Variants in CAPN9 observed in about 807,000 individuals in gnomAD.
The protein encoded by CAPN9 is calpain 9, also known as calpain-9.
A neutral mutation model predicts 92.8 loss-of-function variants in CAPN9; 81 were observed. That is an observed-to-expected ratio of 0.87 (90% CI 0.73 to 1.05). The LOEUF (loss-of-function observed/expected upper bound fraction) is 1.05, where lower values mean the gene tolerates loss of function less well. Ranked by LOEUF, CAPN9 falls within the 50% of genes least tolerant of loss-of-function variation. The pLI is 0.00. For synonymous variants in CAPN9, 304 were observed against 328.0 expected, an observed-to-expected ratio of 0.93 and a Z score of 0.79; for missense variants, 848 against 866.2, an observed-to-expected ratio of 0.98 and a Z score of 0.26.
At chr1:230,761,507 C>A (rs1665635777) in intron 3 of CAPN9, among the ~76,000 whole-genome samples, 1 of 151,816 alleles carries the variant, frequency 6.6e-6, no homozygotes. Flanking sequence ...AAGCGGGAAG[C>A]CCTGGAGGGG....
intron 2 of CAPN9, among the ~76,000 whole-genome samples, chr1:230,758,217 G>T (rs1408840105): frequency 6.6e-6 from 1 of 152,232 alleles, no homozygotes; most frequent in Non-Finnish European, 1.5e-5. Flanking sequence ...TTGGAGGAGA[G>T]CTGGGAAAGG....
chr1:230,748,938 T>G (rs1664596225), intron 1 of CAPN9, among the ~76,000 whole-genome samples: 1 of 152,068 alleles, frequency 6.6e-6, no homozygotes, highest in Admixed American at 6.6e-5. Context: ...GTAGGCAGTG[T>G]GGGGTGTATG....
intron 16 of CAPN9, 152 bp downstream of exon 16, chr1:230,792,646 G>T: frequency 1.3e-6 from 1 of 767,186 alleles, no homozygotes; most frequent in Non-Finnish European, 2.3e-6. Flanking sequence ...CTATTCCGAT[G>T]CTTACGGGAG....
At chr1:230,751,166 C>T (rs1399992409) in intron 1 of CAPN9, among the ~76,000 whole-genome samples, 1 of 152,210 alleles carries the variant, frequency 6.6e-6, no homozygotes, top group Admixed American at 6.5e-5. Context: ...CTGTGCACAG[C>T]GTGGCATGTG....
At chr1:230,754,456 A>G (rs1182793976) in intron 1 of CAPN9, among the ~76,000 whole-genome samples, 1 of 151,886 alleles carries the variant, frequency 6.6e-6, no homozygotes, top group African/African-American at 2.4e-5. Flanking sequence ...AGATGTGTGC[A>G]TATCTCTCTT....
chr1:230,769,039 A>C, intron 5 of CAPN9, 141 bp from the exon 6 acceptor site: 1 of 671,240 alleles, frequency 1.5e-6, no homozygotes, highest in South Asian at 1.8e-5. Context: ...AGCCCCGTGC[A>C]TAGCCCACGC....
chr1:230,763,914 T>A (rs1485470842), intron 4 of CAPN9, among the ~76,000 whole-genome samples: 3 of 152,126 alleles, frequency 2.0e-5, no homozygotes, highest in South Asian at 2.1e-4. Context: ...GTCCAGTGGG[T>A]GGGACCCAAG....
At chr1:230,790,480 T>C (rs1572085501) in intron 14 of CAPN9, 1 of 178,694 alleles carries the variant, frequency 5.6e-6, no homozygotes, top group Non-Finnish European at 1.1e-5. Context: ...TGTATGTACA[T>C]GTGTGTCATA....
chr1:230,756,527 A>G (rs947997252), intron 2 of CAPN9, among the ~76,000 whole-genome samples: 2 of 152,200 alleles, frequency 1.3e-5, no homozygotes, highest in South Asian at 2.1e-4. Flanking sequence ...ATGGATGGGT[A>G]TAGATAGATG....
chr1:230,759,654 G>A, intron 3 of CAPN9, 24 bp downstream of exon 3: 1 of 1,517,744 alleles, frequency 6.6e-7, no homozygotes, highest in Non-Finnish European at 9.0e-7. Context: ...CTGGGCCAGT[G>A]GGTTTACCTC....
At chr1:230,798,464 T>C (rs1668485029) in intron 19 of CAPN9, among the ~76,000 whole-genome samples, 1 of 152,220 alleles carries the variant, frequency 6.6e-6, no homozygotes, top group African/African-American at 2.4e-5. Context: ...AACTGAGGCA[T>C]AGAGAGATTA....
At chr1:230,778,927 C>G in intron 8 of CAPN9, 46 bp from the exon 9 acceptor site, 1 of 1,519,610 alleles carries the variant, frequency 6.6e-7, no homozygotes, top group Non-Finnish European at 9.1e-7. Context: ...GGATGATGCC[C>G]TCACTCTTGC....
chr1:230,801,289 C>A (rs1414089878), intron 19 of CAPN9, among the ~76,000 whole-genome samples: 1 of 152,152 alleles, frequency 6.6e-6, no homozygotes. Flanking sequence ...AGGCTGTCCT[C>A]TTAACAGGGA....
chr1:230,782,283 T>C (rs1245519917), intron 11 of CAPN9, among the ~76,000 whole-genome samples: 1 of 152,222 alleles, frequency 6.6e-6, no homozygotes, highest in Non-Finnish European at 1.5e-5. Flanking sequence ...CACACTGAGC[T>C]GTGTTTGCAT....
At chr1:230,755,940 C>T (rs1665196738) in intron 2 of CAPN9, among the ~76,000 whole-genome samples, 1 of 152,176 alleles carries the variant, frequency 6.6e-6, no homozygotes, top group African/African-American at 2.4e-5. Flanking sequence ...AGCCGCTCCC[C>T]AGCAATCCAG....
At position 230,755,300 on chromosome 1, in the gene CAPN9, G is replaced by T. The variant is rs774742359; in HGVS notation, c.214-37G>T. 2.0e-6 allele frequency: 3 copies of T among 1,528,524 alleles called. No homozygotes were observed. In the African/African-American group the frequency reaches 4.1e-5, roughly 21 times the overall value. 94.7% of individuals were successfully genotyped at this position (1,528,524 alleles called of 1,614,324 possible). ...ACCCTTTCATAGTGGCTTGCAGCAT[G>T]GCAGGCCTCAGCCTAATAACACTCT... On this transcript the variant is annotated intron_variant, in intron 1 of 19. Transcript: ENST00000271971.
At chr1:230,748,249 CA>C (rs753684660) in intron 1 of CAPN9, among the ~76,000 whole-genome samples, 2 of 152,196 alleles carry the variant, frequency 1.3e-5, no homozygotes, top group African/African-American at 2.4e-5. Flanking sequence ...AACAGTGCCC[CA>C]CCTCTGACAG....
chr1:230,794,603 A>G (rs1668220959), intron 17 of CAPN9, among the ~76,000 whole-genome samples: 1 of 152,226 alleles, frequency 6.6e-6, no homozygotes. Context: ...GAGCAGTGCC[A>G]GGGCTCAGAT....
intron 13 of CAPN9, among the ~76,000 whole-genome samples, chr1:230,789,256 C>CA (rs1465171629): frequency 1.3e-5 from 2 of 151,940 alleles, no homozygotes; most frequent in Non-Finnish European, 2.9e-5. Context: ...AAAAAAAACA[C>CA]AGATTCCTCA....
Sources: allele counts gnomAD v4.1 joint callset (sites outside exome capture counted in the v4.1 genomes callset), GRCh38; gene constraint gnomAD v4.1.1; transcripts MANE v1.5; gene names NCBI Gene and HGNC (gene_info 2026-07-23, HGNC 2026-07-21).